The following VPS13B variants were observed in gnomAD, a reference collection of about 807,000 sequenced individuals.
VPS13B encodes vacuolar protein sorting 13 homolog B, also known as intermembrane lipid transfer protein VPS13B.
VPS13B carries 285 observed loss-of-function variants against 426.4 expected under a neutral mutation model. The ratio of observed to expected loss-of-function variants is 0.67; its 90% CI spans 0.61 to 0.74. The LOEUF is 0.74. VPS13B is among the 30% of genes least tolerant of loss of function. The pLI, the probability that VPS13B is intolerant of heterozygous loss-of-function variation, is 0.00. For synonymous variants in VPS13B, 1,676 were observed against 1,676.4 expected (o/e 1.00, Z 0.01); for missense variants, 4,537 against 4,782.6 (o/e 0.95, Z 1.51).
chr8:99,631,268 T>C (rs965521836), intron 33 of VPS13B, among the ~76,000 whole-genome samples: 15 of 152,138 alleles, frequency 9.9e-5, no homozygotes, highest in African/African-American at 3.4e-4. Context: ...CATGACTTCA[T>C]GTCTTAGCCC....
chr8:99,554,153 G>C (rs1273127981), intron 30 of VPS13B, among the ~76,000 whole-genome samples: 1 of 151,992 alleles, frequency 6.6e-6, no homozygotes, highest in African/African-American at 2.4e-5. Context: ...ATAGGAAATC[G>C]GTTGTTTACA....
At chr8:99,798,226 C>CAAAAA (rs34155215) in intron 43 of VPS13B, among the ~76,000 whole-genome samples, 1 of 84,958 alleles carries the variant, frequency 1.2e-5, no homozygotes, top group African/African-American at 4.1e-5. Context: ...TTGAAATAGC[C>CAAAAA]AAAAAAAAAA....
chr8:99,390,747 G>A (rs1040173291), intron 20 of VPS13B, among the ~76,000 whole-genome samples: 1 of 152,114 alleles, frequency 6.6e-6, no homozygotes, highest in African/African-American at 2.4e-5. Context: ...AAAACGCAAC[G>A]TTTGATGATT....
chr8:99,774,803 A>G (rs895591423), intron 40 of VPS13B, among the ~76,000 whole-genome samples: 30 of 152,194 alleles, frequency 2.0e-4, no homozygotes, highest in African/African-American at 7.2e-4. Flanking sequence ...TAACTCTACA[A>G]ATTCCTAGAA....
intron 6 of VPS13B, among the ~76,000 whole-genome samples, chr8:99,112,505 G>A (rs916252985): frequency 2.6e-5 from 4 of 151,560 alleles, no homozygotes; most frequent in Admixed American, 6.6e-5. Context: ...TTTTCCACAC[G>A]GTGTATAATG....
intron 43 of VPS13B, among the ~76,000 whole-genome samples, chr8:99,790,424 G>A (rs1024999458): frequency 6.6e-6 from 1 of 151,846 alleles, no homozygotes; most frequent in African/African-American, 2.4e-5. Flanking sequence ...ATTACTTATT[G>A]CGTTTAAATA....
chr8:99,770,560 A>T (rs1811434677), intron 40 of VPS13B, among the ~76,000 whole-genome samples: 1 of 152,236 alleles, frequency 6.6e-6, no homozygotes, highest in Non-Finnish European at 1.5e-5. Context: ...ATCTTAGGCC[A>T]AAAGAAGCCA....
intron 23 of VPS13B, among the ~76,000 whole-genome samples, chr8:99,458,909 A>T (rs957637738): frequency 6.6e-6 from 1 of 152,214 alleles, no homozygotes; most frequent in South Asian, 2.1e-4. Context: ...GCAGTGCAGA[A>T]GCTCTTTAGT....
intron 33 of VPS13B, among the ~76,000 whole-genome samples, chr8:99,628,608 A>T (rs535192272): frequency 6.6e-6 from 1 of 152,314 alleles, no homozygotes; most frequent in Non-Finnish European, 1.5e-5. Flanking sequence ...GTAAGGAAAC[A>T]TGTGGACAAC....
intron 33 of VPS13B, among the ~76,000 whole-genome samples, chr8:99,636,750 C>T (rs1049535488): frequency 6.1e-4 from 92 of 151,914 alleles, no homozygotes; most frequent in Non-Finnish European, 8.1e-4. Context: ...TTAATATATG[C>T]CTGGAGGTCT....
chr8:99,607,140 G>A (rs942423871), intron 33 of VPS13B, among the ~76,000 whole-genome samples: 1 of 152,166 alleles, frequency 6.6e-6, no homozygotes, highest in Non-Finnish European at 1.5e-5. Context: ...ATAAAAAGAG[G>A]CCTGTTTATG....
chr8:99,521,158 T>TG, intron 30 of VPS13B, 148 bp downstream of exon 30: 1 of 679,088 alleles, frequency 1.5e-6, no homozygotes, highest in South Asian at 1.8e-5. Flanking sequence ...TTTCTTCAGT[T>TG]GTGGGTTTTT....
chr8:99,488,841 C>G (rs1329770189), intron 25 of VPS13B, among the ~76,000 whole-genome samples: 2 of 152,184 alleles, frequency 1.3e-5, no homozygotes, highest in African/African-American at 4.8e-5. Context: ...GTTGCCTGTT[C>G]ACTCTGATGA....
intron 42 of VPS13B, among the ~76,000 whole-genome samples, chr8:99,781,211 G>T (rs1380434440): frequency 6.6e-6 from 1 of 152,126 alleles, no homozygotes; most frequent in Non-Finnish European, 1.5e-5. Context: ...TTTTATAAAT[G>T]ATGACTGTTT....
intron 19 of VPS13B, among the ~76,000 whole-genome samples, chr8:99,293,630 C>A (rs1270716458): frequency 1.4e-5 from 2 of 144,220 alleles, no homozygotes; most frequent in Admixed American, 7.0e-5. Context: ...AGAAAATTTT[C>A]GCAACCTACT....
chr8:99,141,750 C>A (rs1389474181), intron 12 of VPS13B, among the ~76,000 whole-genome samples: 1 of 151,612 alleles, frequency 6.6e-6, no homozygotes, highest in Non-Finnish European at 1.5e-5. Context: ...AGTAATAAAT[C>A]TAATTAATTT....
chr8:99,541,626 T>C (rs1823626850), intron 30 of VPS13B, among the ~76,000 whole-genome samples: 1 of 152,234 alleles, frequency 6.6e-6, no homozygotes, highest in Admixed American at 6.5e-5. Flanking sequence ...TTTGTATAAC[T>C]CTTGCCATGT....
At chr8:99,167,506 A>G (rs1812075432) in intron 15 of VPS13B, among the ~76,000 whole-genome samples, 1 of 151,984 alleles carries the variant, frequency 6.6e-6, no homozygotes, top group Non-Finnish European at 1.5e-5. Context: ...TTTTATTGTC[A>G]TTTACAATTA....
In VPS13B at chr8:99,142,986, A is replaced by G. The variant is rs2132580980; in HGVS notation, c.1664A>G (p.Gln555Arg). The G allele has an allele frequency of 1.2e-6, 2 of 1,613,526 alleles. No individual in the cohort carries two copies. Among genetic ancestry groups the G allele is most frequent in the South Asian group, 2.2e-5 (2 of 90,916 alleles). The change falls in exon 13 of 62, where the codon CAA becomes CGA. Residue 555 changes from glutamine to arginine, a missense_variant. Gln to Arg is a conservative substitution (Grantham distance 43). Transcript: ENST00000357162. ...ENTSGKGSTN[Q>R]QDFSSGKSED... ...TGACTTCTTTTAGGTTCCACAAATC[A>G]ACAAGACTTTTCTTCAGGGAAAAGT... is the stretch of plus-strand genomic sequence containing the variant.
Sources: gnomAD v4.1 joint callset for allele counts (sites outside exome capture counted in the v4.1 genomes callset) on GRCh38, gnomAD v4.1.1 for gene constraint, MANE v1.5 for transcripts, NCBI Gene and HGNC (gene_info 2026-07-23, HGNC 2026-07-21) for gene names.